Variants in KDM7A observed in about 807,000 individuals in gnomAD.
The protein encoded by KDM7A is lysine demethylase 7A.
KDM7A carries 28 observed loss-of-function variants against 114.8 expected under a neutral mutation model. The observed-to-expected ratio is 0.24, with a 90% CI of 0.18 to 0.33. The LOEUF (loss-of-function observed/expected upper bound fraction) is 0.33, where lower values mean the gene tolerates loss of function less well. Among genes scored for constraint, KDM7A ranks in the 10% least tolerant of loss-of-function variants. KDM7A has a pLI of 1.00. For missense variants in KDM7A, 942 were observed against 1,142.5 expected, an observed-to-expected ratio of 0.82 and a Z score of 2.53; for synonymous variants, 423 against 397.8, an observed-to-expected ratio of 1.06 and a Z score of -0.75.
In KDM7A at chr7:140,133,710, T is replaced by C; in HGVS notation, c.281-54A>G. On this transcript the variant is annotated intron_variant, in intron 2 of 19. Transcript: ENST00000397560. Reference sequence around the variant, plus strand: ...GATTTTGGTAACTGGTGATACTATGTGATTTCTAATCATTATATCCGACAT... The same window carrying C: ...GATTTTGGTAACTGGTGATACTATGCGATTTCTAATCATTATATCCGACAT... 6.4e-6 allele frequency: 6 copies of C among 932,166 alleles called. No homozygotes were observed. In the South Asian group the frequency reaches 8.6e-5, roughly 13 times the overall value. The allele number at this position is 932,166 out of a possible 1,614,324, so 57.7% of individuals were successfully genotyped here.
chr7:140,099,628 G>A (rs988223284), intron 13 of KDM7A, among the ~76,000 whole-genome samples: 1 of 152,200 alleles, frequency 6.6e-6, no homozygotes, highest in African/African-American at 2.4e-5. Context: ...TCTGTCTCCT[G>A]TCAGATCAGT....
chr7:140,133,336 T>C (rs1484659503), intron 3 of KDM7A, among the ~76,000 whole-genome samples: 1 of 152,220 alleles, frequency 6.6e-6, no homozygotes, highest in African/African-American at 2.4e-5. Context: ...AAAAGTTCCA[T>C]GAAAATATGC....
At chr7:140,133,812 A>G (rs1818828660) in intron 2 of KDM7A, among the ~76,000 whole-genome samples, 156 bp from the exon 3 acceptor site, 1 of 152,218 alleles carries the variant, frequency 6.6e-6, no homozygotes, top group Non-Finnish European at 1.5e-5. Context: ...AATTTTGCTT[A>G]ATGTAATGCT....
chr7:140,168,373 C>G (rs1794601128), intron 1 of KDM7A, among the ~76,000 whole-genome samples: 1 of 152,076 alleles, frequency 6.6e-6, no homozygotes, highest in South Asian at 2.1e-4. Context: ...CAAGACCAGC[C>G]TGACCAACAT....
chr7:140,117,955 G>A (rs1487115119), intron 9 of KDM7A, among the ~76,000 whole-genome samples: 2 of 152,234 alleles, frequency 1.3e-5, no homozygotes, highest in African/African-American at 2.4e-5. Context: ...ATGCTGTGAG[G>A]TGGGGGGTTT....
At chr7:140,138,118 G>C (rs1384370189) in intron 2 of KDM7A, among the ~76,000 whole-genome samples, 1 of 152,038 alleles carries the variant, frequency 6.6e-6, no homozygotes, top group Non-Finnish European at 1.5e-5. Flanking sequence ...GACCAGCCTG[G>C]GCAACAAAGT....
In KDM7A at chr7:140,120,538, G is replaced by A. The variant is rs1818602209; in HGVS notation, c.1052-9C>T. The A allele has an allele frequency of 6.4e-7, 1 of 1,571,792 alleles. No homozygotes were observed. The highest frequency in any genetic ancestry group is 8.8e-7 in the Non-Finnish European group (1 of 1,142,164). ...CACAGCATGGATCCACCCTAAAATG[G>A]TTGAAAATATATAAACCAGTCATTT... is the stretch of plus-strand genomic sequence containing the variant. On this transcript the variant is annotated splice_polypyrimidine_tract_variant and intron_variant, in intron 7 of 19. Coordinates refer to ENST00000397560, the MANE Select transcript of KDM7A (RefSeq NM_030647.2).
chr7:140,176,172 C>G lies in KDM7A; in HGVS notation c.194+572G>C, dbSNP rs576767421. Among the ~76,000 whole-genome samples the G allele has an allele frequency of 2.0e-5, 3 of 151,942 alleles. No individual in the cohort carries two copies. Among genetic ancestry groups the G allele is most frequent in the Non-Finnish European group, 4.4e-5 (3 of 67,940 alleles). ...TCGCCTCTCCGGCCCGCCGCTGCCCCCGTCCCACTGGCCCAGGAAGTTTGA... is the reference window on the plus strand; with the variant it reads ...TCGCCTCTCCGGCCCGCCGCTGCCCGCGTCCCACTGGCCCAGGAAGTTTGA... On this transcript the variant is annotated intron_variant, in intron 1 of 19. Transcript: ENST00000397560. This position sits in a 1 kb window ranked among gnomAD's most constrained non-coding sequence, Gnocchi z 4.4.
intron 12 of KDM7A, among the ~76,000 whole-genome samples, chr7:140,100,707 T>TACAC (rs1401828404): frequency 5.3e-5 from 2 of 37,620 alleles, no homozygotes; most frequent in Non-Finnish European, 1.2e-4. Context: ...TATATATATA[T>TACAC]ACACATATAT....
chr7:140,146,988 T>G (rs1359429151), intron 1 of KDM7A, among the ~76,000 whole-genome samples: 1 of 152,138 alleles, frequency 6.6e-6, no homozygotes, highest in African/African-American at 2.4e-5. Flanking sequence ...CATTAGATAT[T>G]CCTCTTGCTT....
chr7:140,092,499 A>AT (rs879268665), intron 18 of KDM7A, among the ~76,000 whole-genome samples: 1 of 151,942 alleles, frequency 6.6e-6, no homozygotes, highest in Admixed American at 6.6e-5. Flanking sequence ...TCTCCACTGT[A>AT]TTTTTTTGCT....
intron 1 of KDM7A, among the ~76,000 whole-genome samples, chr7:140,140,616 A>C (rs34685898): frequency 0.35 from 52,492 of 151,932 alleles, 9,329 homozygotes; most frequent in Middle Eastern, 0.43. Flanking sequence ...TCTACTAAAA[A>C]TACAAAAATT....
intron 11 of KDM7A, among the ~76,000 whole-genome samples, chr7:140,105,143 C>G (rs1011078814): frequency 6.6e-6 from 1 of 152,108 alleles, no homozygotes; most frequent in Non-Finnish European, 1.5e-5. Flanking sequence ...GATTTTGTAT[C>G]CTGAGACTTT....
intron 6 of KDM7A, among the ~76,000 whole-genome samples, chr7:140,126,125 CT>C (rs1436037048): frequency 3.3e-5 from 5 of 152,134 alleles, no homozygotes; most frequent in Non-Finnish European, 5.9e-5. Context: ...TCAGGCTGGT[CT>C]TGAACTCCTG....
In KDM7A at chr7:140,153,152, C is replaced by T. The variant is rs1187268903; in HGVS notation, c.195-13962G>A. ...GCCATTTTGTAATTCTTAATTTCCA[C>T]TAAAGGTCACGTGATCGATGACAGG... On this transcript the variant is annotated intron_variant, in intron 1 of 19. Coordinates refer to ENST00000397560, the MANE Select transcript of KDM7A (RefSeq NM_030647.2). Among the ~76,000 whole-genome samples the T allele has an allele frequency of 2.6e-5, 4 of 151,610 alleles. No homozygotes were observed. In the East Asian group the frequency reaches 5.9e-4, roughly 22 times the overall value.
rs1052081963 is a variant in KDM7A, at chr7:140,087,850, T to G, written c.*3244A>C. The stretch of plus-strand genomic sequence containing the variant: ...TCAGTTGAAACTAAAAAAGTCAGCA[T>G]GTTTTTTAATGAACAGGTCCTCTTT... On this transcript the variant is annotated 3_prime_UTR_variant, in exon 20 of 20. Transcript: ENST00000397560. 5.3e-5 allele frequency: 8 copies of G among 152,228 alleles called. No individual in the cohort carries two copies. The highest frequency in any genetic ancestry group is 1.9e-4 in the African/African-American group (8 of 41,468). The allele number at this position is 152,228 out of a possible 1,614,324, so 9.4% of individuals were successfully genotyped here.
chr7:140,108,457 G>A (rs1818379011), intron 11 of KDM7A, among the ~76,000 whole-genome samples: 1 of 152,144 alleles, frequency 6.6e-6, no homozygotes, highest in African/African-American at 2.4e-5. Flanking sequence ...TAGAGATGGG[G>A]TTTTGGTGTG....
chr7:140,132,261 T>C (rs772119340), intron 3 of KDM7A, among the ~76,000 whole-genome samples: 1 of 152,214 alleles, frequency 6.6e-6, no homozygotes, highest in Non-Finnish European at 1.5e-5. Context: ...CCTGAACTAA[T>C]GGTAATTACA....
At chr7:140,172,512 G>C (rs1225741897) in intron 1 of KDM7A, among the ~76,000 whole-genome samples, 1 of 152,080 alleles carries the variant, frequency 6.6e-6, no homozygotes, top group East Asian at 1.9e-4. Flanking sequence ...AATTAGCTGG[G>C]CGCGGTGGCG....
Sources: allele counts gnomAD v4.1 joint callset (sites outside exome capture counted in the v4.1 genomes callset), GRCh38; gene constraint gnomAD v4.1.1; non-coding constraint Gnocchi (gnomAD v3.1); transcripts MANE v1.5; gene names NCBI Gene and HGNC (gene_info 2026-07-23, HGNC 2026-07-21).